GRM1: variants seen among roughly 807,000 people sequenced by gnomAD.
GRM1 encodes metabotropic glutamate receptor 1.
A neutral mutation model predicts 90.9 loss-of-function variants in GRM1; 33 were observed. The ratio of observed to expected loss-of-function variants is 0.36; its 90% CI spans 0.28 to 0.49. The LOEUF (loss-of-function observed/expected upper bound fraction) is 0.49. GRM1 is among the 20% of genes least tolerant of loss of function. GRM1 has a pLI of 0.99. For missense variants in GRM1, 1,190 were observed against 1,534.3 expected (o/e 0.78, Z 3.75); for synonymous variants, 700 against 613.2 (o/e 1.14, Z -2.09).
At chr6:146,129,316 G>A (rs1350951985) in intron 1 of GRM1, among the ~76,000 whole-genome samples, 1 of 152,154 alleles carries the variant, frequency 6.6e-6, no homozygotes, top group African/African-American at 2.4e-5. Flanking sequence ...AGAGTAGCAG[G>A]CACTTACTAT....
intron 2 of GRM1, among the ~76,000 whole-genome samples, chr6:146,198,001 A>G (rs140283756): frequency 3.9e-5 from 6 of 152,366 alleles, no homozygotes; most frequent in African/African-American, 1.4e-4. Context: ...TCTTACCACA[A>G]TAAAAACAAA....
intron 2 of GRM1, among the ~76,000 whole-genome samples, chr6:146,243,721 A>G (rs1454514596): frequency 2.0e-5 from 3 of 152,154 alleles, no homozygotes; most frequent in Non-Finnish European, 4.4e-5. Context: ...GTCATTGATA[A>G]CATCTTATCA....
chr6:146,220,494 A>C (rs1483156755), intron 2 of GRM1, among the ~76,000 whole-genome samples: 3 of 152,146 alleles, frequency 2.0e-5, no homozygotes, highest in African/African-American at 7.2e-5. Flanking sequence ...TTGTGTTAGA[A>C]TTTAATGTCA....
chr6:146,121,060 C>G (rs1475589322), intron 1 of GRM1, among the ~76,000 whole-genome samples: 1 of 152,136 alleles, frequency 6.6e-6, no homozygotes, highest in African/African-American at 2.4e-5. Flanking sequence ...GTGAATCCGT[C>G]TCGTCCTGGG....
At chr6:146,264,244 A>T (rs1306301816) in intron 2 of GRM1, among the ~76,000 whole-genome samples, 1 of 152,114 alleles carries the variant, frequency 6.6e-6, no homozygotes. Context: ...AAGAAATCAA[A>T]CGGTGTTTTC....
chr6:146,395,861 A>G (rs1776907097), intron 6 of GRM1, among the ~76,000 whole-genome samples: 1 of 152,262 alleles, frequency 6.6e-6, no homozygotes, highest in East Asian at 1.9e-4. Context: ...TAGCATTCAG[A>G]AGGTTACCAA....
At chr6:146,256,126 T>C (rs1356696199) in intron 2 of GRM1, among the ~76,000 whole-genome samples, 2 of 152,150 alleles carry the variant, frequency 1.3e-5, no homozygotes, top group Admixed American at 1.3e-4. Context: ...TAATTTAACT[T>C]TGGTTCAATC....
At chr6:146,119,133 G>C (rs1452736573) in intron 1 of GRM1, among the ~76,000 whole-genome samples, 6 of 152,096 alleles carry the variant, frequency 3.9e-5, no homozygotes, top group African/African-American at 9.7e-5. Flanking sequence ...GATCGCCATT[G>C]TAACTGGTGT....
intron 1 of GRM1, among the ~76,000 whole-genome samples, chr6:146,103,941 A>G (rs1358388367): frequency 6.6e-6 from 1 of 152,162 alleles, no homozygotes; most frequent in Non-Finnish European, 1.5e-5. Context: ...CTGGAAGATG[A>G]GGAAACATTT....
intron 1 of GRM1, among the ~76,000 whole-genome samples, chr6:146,104,994 C>G (rs1191900829): frequency 1.3e-5 from 2 of 152,156 alleles, no homozygotes; most frequent in Non-Finnish European, 2.9e-5. Flanking sequence ...CTGCTGTGTT[C>G]TGGTAAAGTC....
intron 1 of GRM1, among the ~76,000 whole-genome samples, chr6:146,113,434 C>A (rs912484065): frequency 2.6e-4 from 39 of 152,218 alleles, no homozygotes; most frequent in African/African-American, 9.4e-4. Flanking sequence ...AGAGCACTAA[C>A]AAGGCCTTAT....
intron 1 of GRM1, among the ~76,000 whole-genome samples, chr6:146,081,000 C>T (rs1351187843): frequency 6.6e-6 from 1 of 152,178 alleles, no homozygotes; most frequent in Non-Finnish European, 1.5e-5. Context: ...ATGGCAGGTC[C>T]TGGAGCAGCC....
At chr6:146,219,426 A>G (rs972135899) in intron 2 of GRM1, among the ~76,000 whole-genome samples, 2 of 152,078 alleles carry the variant, frequency 1.3e-5, no homozygotes, top group African/African-American at 4.8e-5. Flanking sequence ...TGAAGAATGA[A>G]TGAAATAAGA....
chr6:146,283,288 G>T (rs1463950639), intron 2 of GRM1, among the ~76,000 whole-genome samples: 2 of 152,144 alleles, frequency 1.3e-5, no homozygotes, highest in Admixed American at 6.6e-5. Flanking sequence ...ATTAAAGAAT[G>T]AAAAATCAGC....
intron 2 of GRM1, among the ~76,000 whole-genome samples, chr6:146,297,157 G>T (rs1245080633): frequency 6.6e-6 from 1 of 151,930 alleles, no homozygotes; most frequent in East Asian, 1.9e-4. Context: ...TGTGAAACGT[G>T]TAAACAATTT....
chr6:146,211,320 G>A (rs1161300288), intron 2 of GRM1, among the ~76,000 whole-genome samples: 5 of 145,770 alleles, frequency 3.4e-5, no homozygotes, highest in Admixed American at 6.9e-5. Flanking sequence ...AGTGAAACTC[G>A]AAGACAGAAC....
In GRM1 at chr6:146,029,409, C is replaced by CTCCCG. The variant is rs1790627049; in HGVS notation, c.-109_-108insTCCCG. On this transcript the variant is annotated 5_prime_UTR_variant, in exon 1 of 8. Transcript: ENST00000282753. ...GGACGACCATTGTTGGCGAGGGGCA[C>CTCCCG]CACTCCGGGAGAGGCGGCGCTGGGC... The CTCCCG allele has an allele frequency of 8.0e-6, 7 of 870,714 alleles. No individual in the cohort carries two copies. In the Admixed American group the frequency reaches 1.2e-4, roughly 15 times the overall value. The allele number at this position is 870,714 out of a possible 1,614,324, so 53.9% of individuals were successfully genotyped here.
At chr6:146,103,545 A>G (rs936573508) in intron 1 of GRM1, among the ~76,000 whole-genome samples, 1 of 152,132 alleles carries the variant, frequency 6.6e-6, no homozygotes, top group Non-Finnish European at 1.5e-5. Flanking sequence ...TTCCTTCCAC[A>G]GGCACTGATT....
intron 2 of GRM1, among the ~76,000 whole-genome samples, chr6:146,295,556 T>A (rs1010439382): frequency 6.6e-6 from 1 of 152,158 alleles, no homozygotes; most frequent in African/African-American, 2.4e-5. Context: ...AACTATTCCA[T>A]ATCACTATGT....
Sources: allele counts gnomAD v4.1 joint callset (sites outside exome capture counted in the v4.1 genomes callset), GRCh38; gene constraint gnomAD v4.1.1; transcripts MANE v1.5; gene names NCBI Gene and HGNC (gene_info 2026-07-23, HGNC 2026-07-21).